Variants in PRLR observed in about 807,000 individuals in gnomAD.
The protein encoded by PRLR is hPRL receptor.
Under a neutral mutation model 40.2 loss-of-function variants are expected in PRLR, and 13 were observed. The observed-to-expected ratio is 0.32, with a 90% CI of 0.21 to 0.51. The LOEUF (loss-of-function observed/expected upper bound fraction) is 0.51. PRLR is among the 20% of genes least tolerant of loss of function. PRLR has a pLI of 0.97. For synonymous variants in PRLR, 269 were observed against 278.7 expected, an observed-to-expected ratio of 0.97 and a Z score of 0.35; for missense variants, 656 against 747.3, an observed-to-expected ratio of 0.88 and a Z score of 1.42.
At chr5:35,119,588 G>A (rs770637627) in intron 1 of PRLR, among the ~76,000 whole-genome samples, 26 of 152,106 alleles carry the variant, frequency 1.7e-4, no homozygotes, top group Non-Finnish European at 3.1e-4. Flanking sequence ...TCTGGGGCAC[G>A]TTTCTTAGGA....
intron 1 of PRLR, among the ~76,000 whole-genome samples, chr5:35,137,812 T>C (rs1362718831): frequency 1.3e-5 from 2 of 152,168 alleles, no homozygotes; most frequent in African/African-American, 4.8e-5. Context: ...TTCACGAGGC[T>C]GAGGCAGGAG....
At chr5:35,213,435 T>A (rs1054396106) in intron 1 of PRLR, among the ~76,000 whole-genome samples, 2 of 152,228 alleles carry the variant, frequency 1.3e-5, no homozygotes, top group African/African-American at 4.8e-5. Context: ...CTTTACATTA[T>A]GGATTCTCAC....
chr5:35,134,542 T>A (rs1381194092), intron 1 of PRLR, among the ~76,000 whole-genome samples: 1 of 152,238 alleles, frequency 6.6e-6, no homozygotes, highest in Non-Finnish European at 1.5e-5. Flanking sequence ...AAAACATTGC[T>A]TGACTACACG....
At chr5:35,084,355 T>C in intron 5 of PRLR, 115 bp downstream of exon 5, 1 of 1,056,752 alleles carries the variant, frequency 9.5e-7, no homozygotes, top group South Asian at 1.8e-5. Context: ...TCGTGAGTTT[T>C]CTCATCTTTC....
At chr5:35,176,120 G>A (rs1775141070) in intron 1 of PRLR, among the ~76,000 whole-genome samples, 1 of 152,128 alleles carries the variant, frequency 6.6e-6, no homozygotes, top group Non-Finnish European at 1.5e-5. Flanking sequence ...ATAAAACTCA[G>A]TTGAGTCTTT....
At chr5:35,190,616 A>G (rs1579783729) in intron 1 of PRLR, among the ~76,000 whole-genome samples, 1 of 23,786 alleles carries the variant, frequency 4.2e-5, no homozygotes, top group Non-Finnish European at 1.6e-4. Flanking sequence ...TTGCCTCAGG[A>G]AAAAAAAAAA....
At chr5:35,050,335 G>C (rs1031293166) in intron 8 of PRLR, among the ~76,000 whole-genome samples, 1 of 152,190 alleles carries the variant, frequency 6.6e-6, no homozygotes, top group Non-Finnish European at 1.5e-5. Flanking sequence ...GAGTCATTTG[G>C]AATATCAATC....
intron 1 of PRLR, among the ~76,000 whole-genome samples, chr5:35,189,579 TAA>T (rs67985035): frequency 2.9e-3 from 421 of 145,102 alleles, no homozygotes; most frequent in Middle Eastern, 3.5e-3. Flanking sequence ...AAACTCCGTT[TAA>T]AAAAAAAAAA....
At chr5:35,152,292 G>A (rs933913638) in intron 1 of PRLR, among the ~76,000 whole-genome samples, 5 of 152,030 alleles carry the variant, frequency 3.3e-5, no homozygotes, top group Non-Finnish European at 7.4e-5. Context: ...GGAAATAAAT[G>A]GTATATTAAA....
At chr5:35,066,920 C>T (rs1231166781) in intron 9 of PRLR, among the ~76,000 whole-genome samples, 2 of 152,042 alleles carry the variant, frequency 1.3e-5, no homozygotes, top group Admixed American at 6.5e-5. Context: ...CCCACCACCA[C>T]GCCTGGCTAA....
intron 1 of PRLR, among the ~76,000 whole-genome samples, chr5:35,210,226 A>G (rs555299918): frequency 6.6e-6 from 1 of 152,140 alleles, no homozygotes; most frequent in African/African-American, 2.4e-5. Context: ...TGTCCTTACC[A>G]TACTTATAAA....
At chr5:35,111,597 T>G (rs1463187472) in intron 2 of PRLR, among the ~76,000 whole-genome samples, 1 of 152,188 alleles carries the variant, frequency 6.6e-6, no homozygotes, top group Non-Finnish European at 1.5e-5. Context: ...TTCATTTTGG[T>G]ATTTATAAAA....
intron 1 of PRLR, among the ~76,000 whole-genome samples, chr5:35,215,973 G>T (rs1776277616): frequency 1.3e-5 from 2 of 151,870 alleles, no homozygotes; most frequent in Non-Finnish European, 2.9e-5. Context: ...AGGAGGCAGA[G>T]GTTGCAGTGA....
At chr5:35,091,521 G>T (rs1771210217) in intron 2 of PRLR, among the ~76,000 whole-genome samples, 1 of 152,202 alleles carries the variant, frequency 6.6e-6, no homozygotes, top group African/African-American at 2.4e-5. Flanking sequence ...GCCCATGGGG[G>T]AAAGATACTT....
chr5:35,227,564 T>C (rs1776583131), intron 1 of PRLR, among the ~76,000 whole-genome samples: 1 of 152,258 alleles, frequency 6.6e-6, no homozygotes, highest in Non-Finnish European at 1.5e-5. Context: ...GGCATGAATA[T>C]TGCTATCTTT....
chr5:35,215,293 A>G (rs962858250), intron 1 of PRLR, among the ~76,000 whole-genome samples: 8 of 152,194 alleles, frequency 5.3e-5, no homozygotes, highest in Non-Finnish European at 1.5e-5. Context: ...AATAGAACTG[A>G]GTGGTCAAGG....
At chr5:35,080,518 T>C (rs1282417862) in intron 5 of PRLR, among the ~76,000 whole-genome samples, 2 of 152,100 alleles carry the variant, frequency 1.3e-5, no homozygotes, top group Non-Finnish European at 2.9e-5. Flanking sequence ...GTTAGAATGG[T>C]GATCATTAAA....
chr5:35,179,591 T>C (rs905838317), intron 1 of PRLR, among the ~76,000 whole-genome samples: 1 of 152,254 alleles, frequency 6.6e-6, no homozygotes. Context: ...AGCACCTCTC[T>C]ATGTTCCTCA....
intron 1 of PRLR, among the ~76,000 whole-genome samples, chr5:35,217,446 G>T (rs1776311639): frequency 6.6e-6 from 1 of 152,090 alleles, no homozygotes; most frequent in African/African-American, 2.4e-5. Flanking sequence ...TCCCTAAATA[G>T]CCACATTAAA....
Sources: gnomAD v4.1 joint callset for allele counts (sites outside exome capture counted in the v4.1 genomes callset) on GRCh38, gnomAD v4.1.1 for gene constraint, MANE v1.5 for transcripts, NCBI Gene and HGNC (gene_info 2026-07-23, HGNC 2026-07-21) for gene names.